Variants in STEAP2 observed in about 807,000 individuals in gnomAD.
The protein encoded by STEAP2 is metalloreductase STEAP2.
STEAP2 carries 30 observed loss-of-function variants against 46.4 expected under a neutral mutation model. The observed-to-expected ratio is 0.65, with a 90% CI of 0.48 to 0.88. The LOEUF (loss-of-function observed/expected upper bound fraction) is 0.88. Among genes scored for constraint, STEAP2 ranks in the 40% least tolerant of loss-of-function variants. The pLI is 0.00. For missense variants in STEAP2, 513 were observed against 579.3 expected (o/e 0.89, Z 1.18); for synonymous variants, 180 against 200.5 (o/e 0.90, Z 0.86).
At chr7:90,227,559 G>T in intron 4 of STEAP2, 61 bp downstream of exon 4, 1 of 1,393,620 alleles carries the variant, frequency 7.2e-7, no homozygotes, top group Non-Finnish European at 9.4e-7. Context: ...AGTATAAATT[G>T]TAAAACATAA....
In STEAP2 at chr7:90,227,342, T is replaced by C. The variant is rs377574591; in HGVS notation, c.864T>C (p.Tyr288=). The stretch of plus-strand genomic sequence containing the variant: ...ATCAACTTTATTACGGCACCAAGTA[T>C]AGGAGATTTCCACCTTGGTTGGAAA... ...AAYQLYYGTK[Y]RRFPPWLETW... Residue 288 remains tyrosine, a synonymous_variant, in exon 4 of 6, where the codon TAT becomes TAC. Coordinates refer to ENST00000394621, the MANE Select transcript of STEAP2 (RefSeq NM_001244944.2). The C allele has an allele frequency of 6.8e-6, 11 of 1,613,924 alleles. No homozygotes were observed. In the Middle Eastern group the frequency reaches 6.6e-4, roughly 97 times the overall value.
Position 90,235,254 on chromosome 7 carries a change from G to T in STEAP2, c.*2630G>T. 3.1e-6 allele frequency: 3 copies of T among 983,336 alleles called. No individual in the cohort carries two copies. Among genetic ancestry groups the T allele is most frequent in the Middle Eastern group, 5.2e-4 (1 of 1,914 alleles). The allele number at this position is 983,336 out of a possible 1,614,324, so 60.9% of individuals were successfully genotyped here. A position where few individuals can be genotyped will look rare whatever the true frequency, so the allele number is the denominator to read the frequency against. ...AAAGATGCATCTGTTGTTTCAAATG[G>T]CACTATCTTCTTTTCAGTACTACAA... On this transcript the variant is annotated 3_prime_UTR_variant, in exon 6 of 6. Coordinates refer to ENST00000394621, the MANE Select transcript of STEAP2 (RefSeq NM_001244944.2).
At chr7:90,213,277 G>T (rs1354290411) in intron 1 of STEAP2, among the ~76,000 whole-genome samples, 1 of 152,172 alleles carries the variant, frequency 6.6e-6, no homozygotes, top group Non-Finnish European at 1.5e-5. Context: ...TTGTACTGGT[G>T]CTATGGAAAA....
intron 1 of STEAP2, among the ~76,000 whole-genome samples, chr7:90,214,450 G>C (rs1173802786): frequency 6.6e-6 from 1 of 152,160 alleles, no homozygotes; most frequent in Non-Finnish European, 1.5e-5. Flanking sequence ...CAGGACATAA[G>C]TGGATAGACT....
chr7:90,233,701 C>T lies in STEAP2; in HGVS notation c.*1077C>T. ...CAAAGGTCTTGCAGTTAATAAATGGCAGAGTGAGCATTCAAGTCCAGGTAG... is the reference window on the plus strand; with the variant it reads ...CAAAGGTCTTGCAGTTAATAAATGGTAGAGTGAGCATTCAAGTCCAGGTAG... On this transcript the variant is annotated 3_prime_UTR_variant, in exon 6 of 6. Transcript: ENST00000394621. 2 of 946,216 alleles carry T rather than the reference C, an allele frequency of 2.1e-6. No homozygotes were observed. The highest frequency in any genetic ancestry group is 2.5e-6 in the Non-Finnish European group (2 of 794,450). 58.6% of individuals were successfully genotyped at this position (946,216 alleles called of 1,614,324 possible).
At chr7:90,218,506 C>A (rs888295571) in intron 2 of STEAP2, among the ~76,000 whole-genome samples, 2 of 152,030 alleles carry the variant, frequency 1.3e-5, no homozygotes, top group African/African-American at 4.8e-5. Flanking sequence ...TGTCTAAGTA[C>A]CATATATTTG....
chr7:90,227,167 C>A lies in STEAP2; in HGVS notation c.689C>A (p.Ser230Tyr). Residue 230 changes from serine (S) to tyrosine (Y), a missense_variant, in exon 4 of 6, where the codon TCC (serine) becomes TAC (tyrosine). Physicochemically the swap from Ser to Tyr is moderately radical, Grantham distance 144 (BLOSUM62 -2). Coordinates refer to ENST00000394621, the MANE Select transcript of STEAP2 (RefSeq NM_001244944.2). ...TTGGCCACATTTTTTTTCCTTTATT[C>A]CTTTGTCAGAGATGTGATTCATCCA... Reference protein sequence around the residue: ...ISLATFFFLYSFVRDVIHPYA... With the variant: ...ISLATFFFLYYFVRDVIHPYA... 6.2e-7 allele frequency: 1 copy of A among 1,613,056 alleles called. No homozygotes were observed. Among genetic ancestry groups the A allele is most frequent in the Non-Finnish European group, 8.5e-7 (1 of 1,179,666 alleles).
chr7:90,227,193 T>C lies in STEAP2; in HGVS notation c.715T>C (p.Tyr239His). 2.5e-6 allele frequency: 4 copies of C among 1,613,812 alleles called. No individual in the cohort carries two copies. Among genetic ancestry groups the C allele is most frequent in the Middle Eastern group, 3.3e-4 (2 of 6,058 alleles). Reference protein sequence around the residue: ...YSFVRDVIHPYARNQQSDFYK... With the variant: ...YSFVRDVIHPHARNQQSDFYK... Reference sequence around the variant, plus strand: ...CTTTGTCAGAGATGTGATTCATCCATATGCTAGAAACCAACAGAGTGACTT... The same window carrying C: ...CTTTGTCAGAGATGTGATTCATCCACATGCTAGAAACCAACAGAGTGACTT... The change falls in exon 4 of 6, where the codon TAT (tyrosine) becomes CAT (histidine). Residue 239 changes from tyrosine to histidine, a missense_variant. By Grantham distance (83) the Tyr-to-His change is moderately conservative (BLOSUM62 2). Transcript: ENST00000394621.
chr7:90,218,774 A>G (rs1795133318), intron 2 of STEAP2, among the ~76,000 whole-genome samples: 1 of 152,094 alleles, frequency 6.6e-6, no homozygotes, highest in African/African-American at 2.4e-5. Context: ...TTGGTTCTAT[A>G]TGAATTTTAG....
chr7:90,231,583 A>G (rs935417599), intron 5 of STEAP2, among the ~76,000 whole-genome samples: 5 of 150,510 alleles, frequency 3.3e-5, no homozygotes, highest in Non-Finnish European at 7.4e-5. Flanking sequence ...TTGTAACACA[A>G]TGGTAAATAT....
downstream of STEAP2, among the ~76,000 whole-genome samples, chr7:90,238,775 C>A (rs1001270098): frequency 2.6e-5 from 4 of 152,064 alleles, no homozygotes; most frequent in African/African-American, 4.8e-5. Context: ...GTAGTGGATT[C>A]TTCTAATGGG....
chr7:90,218,967 C>T (rs1318469309), intron 2 of STEAP2, among the ~76,000 whole-genome samples: 4 of 151,860 alleles, frequency 2.6e-5, no homozygotes, highest in Non-Finnish European at 5.9e-5. Flanking sequence ...TTGTAGTTTT[C>T]CTTGTAGCAA....
In STEAP2 at chr7:90,233,993, A is replaced by C; in HGVS notation, c.*1369A>C. 1 of 985,372 alleles carries C rather than the reference A, an allele frequency of 1.0e-6. No individual in the cohort carries two copies. Among genetic ancestry groups the C allele is most frequent in the Non-Finnish European group, 1.2e-6 (1 of 829,952 alleles). The allele number at this position is 985,372 out of a possible 1,614,324, so 61.0% of individuals were successfully genotyped here. A position where few individuals can be genotyped will look rare whatever the true frequency, so the allele number is the denominator to read the frequency against. On this transcript the variant is annotated 3_prime_UTR_variant, in exon 6 of 6. Transcript: ENST00000394621. ...CCCATGGCAGTCCATATGCCTCCCTATGCAGTGAAGGGCCCTAGCAGTGTT... is the reference window on the plus strand; with the variant it reads ...CCCATGGCAGTCCATATGCCTCCCTCTGCAGTGAAGGGCCCTAGCAGTGTT...
At chr7:90,226,548 T>A (rs1795496079) in intron 3 of STEAP2, among the ~76,000 whole-genome samples, 1 of 152,230 alleles carries the variant, frequency 6.6e-6, no homozygotes, top group South Asian at 2.1e-4. Context: ...GCTAATGTTA[T>A]CCAAGATTAA....
Position 90,227,041 on chromosome 7 carries a change from T to C in STEAP2, c.563T>C (p.Ile188Thr). Reference sequence around the variant, plus strand: ...GAACTTGCCCGCCAGTTGAATTTCATTCCCATTGACTTGGGATCCTTATCA... The same window carrying C: ...GAACTTGCCCGCCAGTTGAATTTCACTCCCATTGACTTGGGATCCTTATCA... ...VIELARQLNF[I>T]PIDLGSLSSA... The change falls in exon 4 of 6, where the codon ATT becomes ACT. Residue 188 changes from isoleucine to threonine, a missense_variant. By Grantham distance (89) the Ile-to-Thr change is moderately conservative. Transcript: ENST00000394621. 1 of 1,613,200 alleles carries C rather than the reference T, an allele frequency of 6.2e-7. No individual in the cohort carries two copies. Among genetic ancestry groups the C allele is most frequent in the South Asian group, 1.1e-5 (1 of 90,880 alleles).
At position 90,232,927 on chromosome 7, in the gene STEAP2, AATATAG is replaced by A. The variant is rs1795822039; in HGVS notation, c.*309_*314del. The stretch of plus-strand genomic sequence containing the variant: ...TCAGGCAAAAATACTTACAGTTAAT[AATATAG>A]ATATAATGTTAAAAACAATTTGCAA... On this transcript the variant is annotated 3_prime_UTR_variant, in exon 6 of 6. Transcript: ENST00000394621. The A allele has an allele frequency of 1.0e-6, 1 of 1,001,922 alleles. No individual in the cohort carries two copies. The highest frequency in any genetic ancestry group is 1.2e-6 in the Non-Finnish European group (1 of 837,564). The allele number at this position is 1,001,922 out of a possible 1,614,324, so 62.1% of individuals were successfully genotyped here.
At chr7:90,225,029 A>G (rs1795419501) in intron 2 of STEAP2, 21 bp from the exon 3 acceptor site, 2 of 1,567,864 alleles carry the variant, frequency 1.3e-6, no homozygotes, top group East Asian at 4.5e-5. Flanking sequence ...ACTGATGACC[A>G]TTTTATTTTC....
chr7:90,212,508 G>A (rs1794857035), intron 1 of STEAP2, among the ~76,000 whole-genome samples: 1 of 152,184 alleles, frequency 6.6e-6, no homozygotes, highest in African/African-American at 2.4e-5. Context: ...TAATCGTGGT[G>A]TTTAGGCCAT....
At position 90,232,481 on chromosome 7, in the gene STEAP2, C is replaced by G. The variant is rs1795796611; in HGVS notation, c.1330C>G (p.Leu444Val). 18 of 1,613,676 alleles carry G rather than the reference C, an allele frequency of 1.1e-5. No homozygotes were observed. The highest frequency in any genetic ancestry group is 1.5e-5 in the Non-Finnish European group (18 of 1,179,698). Reference protein sequence around the residue: ...LALVLPSIVILGKIILFLPCI... With the variant: ...LALVLPSIVIVGKIILFLPCI... ...TCTTGTTTTGCCCTCAATTGTAATT[C>G]TGGGTAAGATTATTTTATTCCTTCC... The change falls in exon 6 of 6, where the codon CTG (leucine) becomes GTG (valine). Residue 444 changes from leucine to valine, a missense_variant. Coordinates refer to ENST00000394621, the MANE Select transcript of STEAP2 (RefSeq NM_001244944.2).
Sources: allele counts gnomAD v4.1 joint callset (sites outside exome capture counted in the v4.1 genomes callset), GRCh38; gene constraint gnomAD v4.1.1; transcripts MANE v1.5; gene names NCBI Gene and HGNC (gene_info 2026-07-23, HGNC 2026-07-21).